The following SYN2 variants were observed in gnomAD, a reference collection of about 807,000 sequenced individuals.
SYN2 encodes the protein synapsin-2.
In SYN2, 19 loss-of-function variants were observed where a neutral mutation model predicts 50.9. The observed-to-expected ratio is 0.37, with a 90% CI of 0.26 to 0.55. The LOEUF is 0.55. Ranked by LOEUF, SYN2 falls within the 20% of genes least tolerant of loss-of-function variation. The pLI is 0.81. For synonymous variants in SYN2, 255 were observed against 224.9 expected (o/e 1.13, Z -1.20); for missense variants, 587 against 576.4 (o/e 1.02, Z -0.19).
intron 1 of SYN2, among the ~76,000 whole-genome samples, chr3:12,017,488 T>C (rs1442586961): frequency 6.6e-6 from 1 of 152,210 alleles, no homozygotes; most frequent in African/African-American, 2.4e-5. Flanking sequence ...ATTTGTTCCA[T>C]ATTTCTCCTT....
In SYN2 at chr3:12,151,338, A is replaced by G; in HGVS notation, c.774+12A>G. 6.2e-7 allele frequency: 1 copy of G among 1,604,416 alleles called. No homozygotes were observed. The highest frequency in any genetic ancestry group is 8.5e-7 in the Non-Finnish European group (1 of 1,172,328). On this transcript the variant is annotated intron_variant, in intron 5 of 12. Transcript: ENST00000621198. Reference sequence around the variant, plus strand: ...ACCACAAAGAGATGGTAAGTGGCTCAGTGGGGACATTAGTCTTTCTGCTGT... The same window carrying G: ...ACCACAAAGAGATGGTAAGTGGCTCGGTGGGGACATTAGTCTTTCTGCTGT...
chr3:12,133,172 G>A (rs1696828908), intron 1 of SYN2, among the ~76,000 whole-genome samples: 1 of 152,188 alleles, frequency 6.6e-6, no homozygotes, highest in Admixed American at 6.5e-5. Context: ...TATCTAAGAA[G>A]TGCCTTACTT....
chr3:12,098,467 G>T (rs1267634662), intron 1 of SYN2, among the ~76,000 whole-genome samples: 1 of 151,996 alleles, frequency 6.6e-6, no homozygotes, highest in East Asian at 1.9e-4. Flanking sequence ...GAAAATTTTT[G>T]TAAACTATTG....
intron 1 of SYN2, among the ~76,000 whole-genome samples, chr3:12,025,455 A>G (rs1479578429): frequency 1.3e-5 from 2 of 152,146 alleles, no homozygotes; most frequent in East Asian, 3.9e-4. Flanking sequence ...GCTTTTCCTA[A>G]TATTGTCTCA....
intron 4 of SYN2, among the ~76,000 whole-genome samples, chr3:12,146,585 A>T (rs185630396): frequency 2.6e-5 from 4 of 152,372 alleles, no homozygotes; most frequent in Admixed American, 2.6e-4. Flanking sequence ...AGGATTAAGT[A>T]ACTTGCCAAA....
At chr3:12,113,122 A>G (rs1181724031) in intron 1 of SYN2, among the ~76,000 whole-genome samples, 1 of 152,142 alleles carries the variant, frequency 6.6e-6, no homozygotes, top group East Asian at 1.9e-4. Flanking sequence ...GAAGCATTTC[A>G]TTCTCTTCTC....
Position 12,191,149 on chromosome 3 carries a change from C to T in SYN2, c.*524C>T, listed in dbSNP as rs940183774. On this transcript the variant is annotated 3_prime_UTR_variant, in exon 13 of 13. Coordinates refer to ENST00000621198, the MANE Select transcript of SYN2 (RefSeq NM_133625.6). ...TGTTACTGTTTAAAGCACACCCACC[C>T]AACTTACAAGATCTTAGGCTGCTGT... 2 of 985,456 alleles carry T rather than the reference C, an allele frequency of 2.0e-6. No individual in the cohort carries two copies. Among genetic ancestry groups the T allele is most frequent in the Admixed American group, 1.2e-4 (2 of 16,260 alleles). 61.0% of individuals were successfully genotyped at this position (985,456 alleles called of 1,614,324 possible).
intron 4 of SYN2, among the ~76,000 whole-genome samples, 200 bp from the exon 5 acceptor site, chr3:12,151,037 T>G (rs1345992844): frequency 1.3e-5 from 2 of 152,238 alleles, no homozygotes; most frequent in Non-Finnish European, 2.9e-5. Context: ...AATTGAATTT[T>G]AGCTCACTCT....
At chr3:12,013,476 A>G (rs1693959833) in intron 1 of SYN2, among the ~76,000 whole-genome samples, 1 of 152,040 alleles carries the variant, frequency 6.6e-6, no homozygotes, top group South Asian at 2.1e-4. Context: ...CATTACCTTT[A>G]GTCCAAAACT....
intron 1 of SYN2, among the ~76,000 whole-genome samples, chr3:12,107,473 C>T (rs1009830736): frequency 9.9e-5 from 15 of 152,094 alleles, no homozygotes; most frequent in Admixed American, 3.3e-4. Flanking sequence ...GAGAGCTTGT[C>T]GGTGTAATAA....
chr3:12,172,518 G>A (rs1257696721), intron 10 of SYN2, among the ~76,000 whole-genome samples: 1 of 152,086 alleles, frequency 6.6e-6, no homozygotes. Context: ...ATTTGGGAGG[G>A]TTTCAAACAC....
intron 1 of SYN2, among the ~76,000 whole-genome samples, chr3:12,011,306 G>A (rs540259889): frequency 9.1e-4 from 138 of 152,144 alleles, no homozygotes; most frequent in African/African-American, 3.2e-3. Flanking sequence ...AGAAGCAATT[G>A]GGTATCATAA....
intron 1 of SYN2, among the ~76,000 whole-genome samples, chr3:12,077,289 A>C (rs1695487098): frequency 6.6e-6 from 1 of 151,950 alleles, no homozygotes; most frequent in Non-Finnish European, 1.5e-5. Context: ...CCTTGCATAG[A>C]ATTTTTTTCC....
intron 1 of SYN2, among the ~76,000 whole-genome samples, chr3:12,047,995 C>T (rs562121432): frequency 3.3e-5 from 5 of 152,312 alleles, no homozygotes; most frequent in African/African-American, 1.2e-4. Context: ...CTACAAGTTA[C>T]GTACGTTGTG....
chr3:12,141,342 C>T (rs1697013850), intron 2 of SYN2, among the ~76,000 whole-genome samples: 1 of 152,132 alleles, frequency 6.6e-6, no homozygotes, highest in African/African-American at 2.4e-5. Context: ...ATTCATTATA[C>T]AGTGTGTTAT....
At position 12,190,324 on chromosome 3, in the gene SYN2, G is replaced by A. The variant is rs146797493; in HGVS notation, c.1614-166G>A. 3.9e-5 allele frequency among the ~76,000 whole-genome samples: 6 copies of A among 152,210 alleles called. No individual in the cohort carries two copies. In the East Asian group the frequency reaches 1.2e-3, roughly 29 times the overall value. On this transcript the variant is annotated intron_variant, in intron 12 of 12. Coordinates refer to ENST00000621198, the MANE Select transcript of SYN2 (RefSeq NM_133625.6). ...CCAAAGTTGAGGAAGTAGCGTAGGAGTCTCCCAGGGTCTTGGTAGCATGGC... is the reference window on the plus strand; with the variant it reads ...CCAAAGTTGAGGAAGTAGCGTAGGAATCTCCCAGGGTCTTGGTAGCATGGC...
intron 1 of SYN2, among the ~76,000 whole-genome samples, chr3:12,020,048 T>G (rs1171157051): frequency 6.6e-6 from 1 of 152,176 alleles, no homozygotes; most frequent in Non-Finnish European, 1.5e-5. Context: ...TGGATGAAAA[T>G]AATTTAAAGA....
chr3:12,063,023 GA>G (rs1333290123), intron 1 of SYN2, among the ~76,000 whole-genome samples: 1 of 151,978 alleles, frequency 6.6e-6, no homozygotes, highest in South Asian at 2.1e-4. Context: ...TGCCATTTTG[GA>G]AAAGGCAAAA....
intron 3 of SYN2, among the ~76,000 whole-genome samples, chr3:12,142,921 G>A (rs956545713): frequency 3.3e-5 from 5 of 152,130 alleles, no homozygotes; most frequent in African/African-American, 9.7e-5. Flanking sequence ...CAGGAAATAC[G>A]AGCTTGTCCA....
Sources: allele counts gnomAD v4.1 joint callset (sites outside exome capture counted in the v4.1 genomes callset), GRCh38; gene constraint gnomAD v4.1.1; transcripts MANE v1.5; gene names NCBI Gene and HGNC (gene_info 2026-07-23, HGNC 2026-07-21).